ZFHX3: variants seen among roughly 807,000 people sequenced by gnomAD.
The protein encoded by ZFHX3 is zinc finger homeobox protein 3.
ZFHX3 carries 42 observed loss-of-function variants against 279.1 expected under a neutral mutation model. That is an observed-to-expected ratio of 0.15 (90% confidence interval 0.12 to 0.19). The LOEUF is 0.19. Ranked by LOEUF, ZFHX3 falls within the 10% of genes least tolerant of loss-of-function variation. The pLI, the probability that ZFHX3 is intolerant of heterozygous loss-of-function variation, is 1.00. For missense variants in ZFHX3, 4,981 were observed against 4,754.0 expected (o/e 1.05, Z -1.40); for synonymous variants, 2,293 against 1,957.8 (o/e 1.17, Z -4.52).
intron 2 of ZFHX3, among the ~76,000 whole-genome samples, chr16:73,598,919 C>G (rs971723422): frequency 1.3e-5 from 2 of 152,144 alleles, no homozygotes; most frequent in East Asian, 3.9e-4. Context: ...CCTGCCACCA[C>G]GCCTGGCTAA....
chr16:73,152,843 T>C (rs1567403893), intron 5 of ZFHX3, among the ~76,000 whole-genome samples: 3 of 147,470 alleles, frequency 2.0e-5, no homozygotes. Context: ...AGGGGAGTAA[T>C]CGCGAGAAGA....
At chr16:73,110,947 A>T (rs1244942994) in intron 7 of ZFHX3, among the ~76,000 whole-genome samples, 1 of 151,976 alleles carries the variant, frequency 6.6e-6, no homozygotes, top group South Asian at 2.1e-4. Flanking sequence ...TTATGATTTT[A>T]TGTTTTTTTT....
chr16:73,472,323 A>T (rs1376913657), intron 2 of ZFHX3, among the ~76,000 whole-genome samples: 1 of 151,324 alleles, frequency 6.6e-6, no homozygotes, highest in Non-Finnish European at 1.5e-5. Flanking sequence ...TAGCTCTTGG[A>T]TTCTCTTGCC....
At chr16:73,245,826 G>A (rs2013264570) in intron 5 of ZFHX3, among the ~76,000 whole-genome samples, 1 of 152,184 alleles carries the variant, frequency 6.6e-6, no homozygotes, top group Admixed American at 6.5e-5. Flanking sequence ...AATTGAAGAA[G>A]TGAAAGCGTA....
At chr16:72,900,662 T>G (rs1288300378) in intron 3 of ZFHX3, among the ~76,000 whole-genome samples, 1 of 152,174 alleles carries the variant, frequency 6.6e-6, no homozygotes, top group Non-Finnish European at 1.5e-5. Context: ...TTCTCTAACT[T>G]GAGCGTGCAT....
chr16:73,662,073 T>C (rs934303584), intron 2 of ZFHX3, among the ~76,000 whole-genome samples: 10 of 151,670 alleles, frequency 6.6e-5, no homozygotes, highest in African/African-American at 2.4e-4. Flanking sequence ...AGGCTGTACT[T>C]GATAAAATGC....
chr16:73,842,337 G>T (rs1251734674), intron 1 of ZFHX3, among the ~76,000 whole-genome samples: 1 of 152,116 alleles, frequency 6.6e-6, no homozygotes, highest in Non-Finnish European at 1.5e-5. Context: ...GTAGGTCTTA[G>T]GTGAGCTGCT....
At chr16:72,898,969 G>A (rs994901072) in intron 3 of ZFHX3, among the ~76,000 whole-genome samples, 2 of 152,042 alleles carry the variant, frequency 1.3e-5, no homozygotes, top group African/African-American at 4.8e-5. Context: ...TATGTAGGTG[G>A]ATAAAACAAC....
intron 1 of ZFHX3, among the ~76,000 whole-genome samples, chr16:73,770,803 G>A (rs773585893): frequency 5.9e-5 from 9 of 152,180 alleles, no homozygotes; most frequent in Non-Finnish European, 1.3e-4. Context: ...TGTATCTGAC[G>A]CATATTTCAA....
intron 3 of ZFHX3, among the ~76,000 whole-genome samples, chr16:72,902,906 A>T (rs191084231): frequency 6.2e-4 from 95 of 152,324 alleles, no homozygotes; most frequent in Non-Finnish European, 1.2e-3. Flanking sequence ...GACAGGAACA[A>T]AAACCGCCAC....
chr16:73,271,466 T>C (rs769312006), intron 4 of ZFHX3, among the ~76,000 whole-genome samples: 35 of 152,190 alleles, frequency 2.3e-4, no homozygotes, highest in Non-Finnish European at 4.6e-4. Context: ...GTCAAGAGCT[T>C]GGGGCAGATG....
At chr16:73,368,749 A>AC (rs1299751347) in intron 3 of ZFHX3, among the ~76,000 whole-genome samples, 1 of 152,188 alleles carries the variant, frequency 6.6e-6, no homozygotes, top group Admixed American at 6.5e-5. Context: ...TTGTTAAAGG[A>AC]CCCAATATTC....
chr16:73,684,695 C>CTTTTTTTTTTTTTTTTTT (rs201167110), intron 1 of ZFHX3, among the ~76,000 whole-genome samples: 2 of 137,498 alleles, frequency 1.5e-5, no homozygotes, highest in Non-Finnish European at 1.5e-5. Context: ...CACAAGGGTC[C>CTTTTTTTTTTTTTTTTTT]TTTTTTTTTT....
At chr16:72,819,736 C>T (rs2036729869) in intron 5 of ZFHX3, among the ~76,000 whole-genome samples, 1 of 152,178 alleles carries the variant, frequency 6.6e-6, no homozygotes, top group African/African-American at 2.4e-5. Context: ...GGATGACAGC[C>T]AGGTTTGGTC....
At chr16:73,649,796 G>A (rs1420635095) in intron 2 of ZFHX3, among the ~76,000 whole-genome samples, 3 of 152,054 alleles carry the variant, frequency 2.0e-5, no homozygotes, top group African/African-American at 7.3e-5. Context: ...ATGCCTAATG[G>A]TACTCAACAT....
At chr16:73,378,069 A>AAAAAAT (rs2016755562) in intron 3 of ZFHX3, among the ~76,000 whole-genome samples, 1 of 145,326 alleles carries the variant, frequency 6.9e-6, no homozygotes, top group Non-Finnish European at 1.5e-5. Context: ...AAAAAAAAAA[A>AAAAAAT]TCTTATACAC....
At chr16:73,382,830 GA>G (rs1374463951) in intron 3 of ZFHX3, among the ~76,000 whole-genome samples, 5 of 152,170 alleles carry the variant, frequency 3.3e-5, no homozygotes, top group African/African-American at 1.2e-4. Flanking sequence ...TCTGGTTGAT[GA>G]AACCCAAGAG....
rs1260016651 is a variant in ZFHX3 at position 73,195,437 on chromosome 16, G to A, written c.-1103-51606C>T. ...TATTTTTTTTTTTTTTTTTTTTTTT[G>A]AGATGGAGTCTTGCTCTGTCACCCA... On this transcript the variant is annotated intron_variant, in intron 5 of 17. Transcript: ENST00000641206. Among the ~76,000 whole-genome samples the A allele has an allele frequency of 3.6e-4, 24 of 67,306 alleles. 1 individual carries two copies. Among genetic ancestry groups the A allele is most frequent in the Admixed American group, 2.7e-3 (16 of 5,978 alleles). 44.2% of individuals were successfully genotyped at this position (67,306 alleles called of 152,430 possible).
intron 1 of ZFHX3, among the ~76,000 whole-genome samples, chr16:73,694,654 T>C (rs2053179263): frequency 6.6e-6 from 1 of 152,178 alleles, no homozygotes; most frequent in Non-Finnish European, 1.5e-5. Context: ...AAATTTTTAT[T>C]AAAAAACATG....
Sources: allele counts gnomAD v4.1 joint callset (sites outside exome capture counted in the v4.1 genomes callset), GRCh38; gene constraint gnomAD v4.1.1; transcripts MANE v1.5; gene names NCBI Gene and HGNC (gene_info 2026-07-23, HGNC 2026-07-21).